The following DDX19B variants were observed in gnomAD, a reference collection of about 807,000 sequenced individuals.
The protein encoded by DDX19B is ATP-dependent RNA helicase DDX19B.
A neutral mutation model predicts 58.1 loss-of-function variants in DDX19B; 27 were observed. The observed-to-expected ratio is 0.46, with a 90% CI of 0.34 to 0.64. DDX19B has a LOEUF of 0.64. Ranked by LOEUF, DDX19B falls within the 30% of genes least tolerant of loss-of-function variation. The probability of loss-of-function intolerance (pLI) is 0.01; values close to 1 mark genes in which losing one functional copy is unlikely to be tolerated. For synonymous variants in DDX19B, 187 were observed against 214.4 expected (o/e 0.87, Z 1.12); for missense variants, 399 against 596.5 (o/e 0.67, Z 3.45).
chr16:70,323,010 CTGTT>C lies in DDX19B; in HGVS notation c.390-1561_390-1558del, dbSNP rs201299312. On this transcript the variant is annotated intron_variant, in intron 5 of 11. Coordinates refer to ENST00000288071, the MANE Select transcript of DDX19B (RefSeq NM_007242.7). ...GTTTCACTTTTAGTTCATGTTTCTTCTGTTTGTTTGTTTGTTTTTTCCCCTGCCG... is the reference window on the plus strand; with the variant it reads ...GTTTCACTTTTAGTTCATGTTTCTTCTGTTTGTTTGTTTTTTCCCCTGCCG... Among the ~76,000 whole-genome samples the C allele has an allele frequency of 3.5e-3, 521 of 149,774 alleles. 2 individuals carry two copies. Among genetic ancestry groups the C allele is most frequent in the African/African-American group, 0.011 (457 of 40,902 alleles).
At chr16:70,307,393 C>A (rs111363299) in intron 1 of DDX19B, among the ~76,000 whole-genome samples, 2 of 152,096 alleles carry the variant, frequency 1.3e-5, no homozygotes, top group Admixed American at 1.3e-4. Flanking sequence ...ACAAGAGTCT[C>A]GCACTGTCTC....
intron 1 of DDX19B, among the ~76,000 whole-genome samples, chr16:70,299,623 T>C (rs1961378420): frequency 6.6e-6 from 1 of 151,984 alleles, no homozygotes; most frequent in Non-Finnish European, 1.5e-5. Flanking sequence ...TCACCCTAGA[T>C]TGTGTTTTGT....
At chr16:70,332,577 C>T (rs973687318) in intron 10 of DDX19B, among the ~76,000 whole-genome samples, 2 of 151,982 alleles carry the variant, frequency 1.3e-5, no homozygotes, top group African/African-American at 4.8e-5. Context: ...CTGGGATTAC[C>T]GGTATGAGCC....
chr16:70,321,209 G>A (rs1449576039), intron 5 of DDX19B, among the ~76,000 whole-genome samples: 24 of 152,054 alleles, frequency 1.6e-4, no homozygotes, highest in Non-Finnish European at 2.6e-4. Context: ...TGATCCGCCT[G>A]CCTCAGCCTC....
chr16:70,291,449 T>A (rs556869851), upstream of DDX19B, among the ~76,000 whole-genome samples: 1 of 152,316 alleles, frequency 6.6e-6, no homozygotes, highest in African/African-American at 2.4e-5. Context: ...CTCAATAATT[T>A]AGTTCTGCTG....
rs1232504909 is a variant in DDX19B at position 70,306,138 on chromosome 16, TG to T, written c.58-6470del. The stretch of plus-strand genomic sequence containing the variant: ...CTTGTTAGGTCAGTTTTGTTGTTGT[TG>T]TTGTTGTTGTTTGTTGTTGTTGTTG... On this transcript the variant is annotated intron_variant, in intron 1 of 11. Transcript: ENST00000288071. Among the ~76,000 whole-genome samples the T allele has an allele frequency of 5.3e-5, 8 of 151,702 alleles. No homozygotes were observed. In the Admixed American group the frequency reaches 5.3e-4, roughly 10 times the overall value.
intron 1 of DDX19B, among the ~76,000 whole-genome samples, chr16:70,300,580 G>A (rs748020523): frequency 2.6e-5 from 4 of 151,794 alleles, no homozygotes; most frequent in Non-Finnish European, 5.9e-5. Context: ...CCAGGCTGGA[G>A]TGCATTGACA....
At chr16:70,290,649 T>A (rs1288378975), upstream of DDX19B, among the ~76,000 whole-genome samples, 2 of 152,216 alleles carry the variant, frequency 1.3e-5, no homozygotes, top group Admixed American at 6.5e-5. Context: ...CAGTGAGCCC[T>A]GATCGTGACA....
At chr16:70,317,342 T>C (rs962977992) in intron 4 of DDX19B, 154 bp from the exon 5 acceptor site, 14 of 522,912 alleles carry the variant, frequency 2.7e-5, no homozygotes, top group African/African-American at 1.2e-4. Context: ...GACTGCACCT[T>C]TGCACTGCAG....
intron 1 of DDX19B, among the ~76,000 whole-genome samples, chr16:70,309,873 A>G (rs1961992288): frequency 6.6e-6 from 1 of 150,706 alleles, no homozygotes; most frequent in Admixed American, 6.7e-5. Context: ...ATTCTCAACA[A>G]ACCACCAATT....
chr16:70,290,083 G>A (rs571789348), upstream of DDX19B: 6 of 284,952 alleles, frequency 2.1e-5, no homozygotes, highest in East Asian at 1.8e-4. Flanking sequence ...GCCTGGGGGA[G>A]GAGGGTGAAT....
chr16:70,293,122 A>T (rs1006779213), upstream of DDX19B, among the ~76,000 whole-genome samples: 12 of 151,942 alleles, frequency 7.9e-5, no homozygotes, highest in African/African-American at 2.9e-4. Context: ...TAATAAAAAC[A>T]ACAAACAGAA....
chr16:70,321,264 C>T (rs570968255), intron 5 of DDX19B, among the ~76,000 whole-genome samples: 1 of 152,086 alleles, frequency 6.6e-6, no homozygotes, highest in East Asian at 1.9e-4. Context: ...GCCCGGCCTT[C>T]AGGCTTTTTT....
At chr16:70,307,591 G>A (rs1961826358) in intron 1 of DDX19B, among the ~76,000 whole-genome samples, 1 of 151,284 alleles carries the variant, frequency 6.6e-6, no homozygotes, top group South Asian at 2.1e-4. Context: ...TCGAACTCCT[G>A]AGCTCAGGCA....
At chr16:70,312,853 A>G (rs1197822414) in intron 2 of DDX19B, among the ~76,000 whole-genome samples, 196 bp downstream of exon 2, 2 of 151,954 alleles carry the variant, frequency 1.3e-5, no homozygotes, top group African/African-American at 4.8e-5. Context: ...GTTTCTGTTT[A>G]CTTTTTAAGA....
chr16:70,303,800 C>T (rs1367823639), intron 1 of DDX19B, among the ~76,000 whole-genome samples: 1 of 152,134 alleles, frequency 6.6e-6, no homozygotes, highest in Non-Finnish European at 1.5e-5. Flanking sequence ...ATCTTGGGAT[C>T]CGCCCACCTC....
intron 7 of DDX19B, among the ~76,000 whole-genome samples, chr16:70,326,816 G>A (rs1398319513): frequency 6.6e-6 from 1 of 151,648 alleles, no homozygotes; most frequent in Non-Finnish European, 1.5e-5. Context: ...GATTATAGGT[G>A]TGAGCCACTG....
chr16:70,329,726 T>C (rs1054465419), intron 8 of DDX19B, 105 bp from the exon 9 acceptor site: 23 of 1,487,190 alleles, frequency 1.5e-5, no homozygotes, highest in Middle Eastern at 1.9e-4. Context: ...GACGCTCCTC[T>C]CCCATCAGCC....
rs765811423 is a variant in DDX19B, at chr16:70,325,588, C to T, written c.507C>T (p.Ser169=). 24 of 1,613,466 alleles carry T rather than the reference C, an allele frequency of 1.5e-5. No individual in the cohort carries two copies. The highest frequency in any genetic ancestry group is 1.9e-5 in the Non-Finnish European group (22 of 1,179,762). ...TTTCCTGCCAGTGTCTATGTCTCTC[C>T]CCAACGTATGAGCTCGCCCTCCAAA... The part of the protein sequence containing the change: ...ANKYPQCLCL[S]PTYELALQTG... The change falls in exon 7 of 12, where the codon TCC becomes TCT. Residue 169 remains serine, a synonymous_variant. Coordinates refer to ENST00000288071, the MANE Select transcript of DDX19B (RefSeq NM_007242.7).
Sources: allele counts gnomAD v4.1 joint callset (sites outside exome capture counted in the v4.1 genomes callset), GRCh38; gene constraint gnomAD v4.1.1; transcripts MANE v1.5; gene names NCBI Gene and HGNC (gene_info 2026-07-23, HGNC 2026-07-21).